Variants in PRUNE2 observed in about 807,000 individuals in gnomAD.
The protein encoded by PRUNE2 is prune homolog 2 with BCH domain.
A neutral mutation model predicts 252.0 loss-of-function variants in PRUNE2; 164 were observed. The observed-to-expected ratio is 0.65, with a 90% confidence interval of 0.57 to 0.74. PRUNE2 has a LOEUF of 0.74. Among genes scored for constraint, PRUNE2 ranks in the 30% least tolerant of loss-of-function variants. PRUNE2 has a pLI of 0.00. For missense variants in PRUNE2, 3,495 were observed against 3,711.0 expected, an observed-to-expected ratio of 0.94 and a Z score of 1.51; for synonymous variants, 1,292 against 1,350.2, an observed-to-expected ratio of 0.96 and a Z score of 0.94.
At chr9:76,754,643 C>T (rs996301102) in intron 6 of PRUNE2, among the ~76,000 whole-genome samples, 5 of 152,108 alleles carry the variant, frequency 3.3e-5, no homozygotes, top group African/African-American at 4.8e-5. Context: ...CTAAGTCCAT[C>T]ACCTTAGCTC....
intron 10 of PRUNE2, among the ~76,000 whole-genome samples, chr9:76,654,297 G>C (rs965676217): frequency 1.3e-5 from 2 of 152,288 alleles, no homozygotes; most frequent in Non-Finnish European, 1.5e-5. Flanking sequence ...CTCTGGCCTT[G>C]TCCTGGAGAA....
At chr9:76,797,152 T>A (rs938160263) in intron 6 of PRUNE2, among the ~76,000 whole-genome samples, 2 of 152,204 alleles carry the variant, frequency 1.3e-5, no homozygotes, top group Non-Finnish European at 2.9e-5. Context: ...TAACTTTATA[T>A]ATGTATTATT....
intron 9 of PRUNE2, among the ~76,000 whole-genome samples, chr9:76,664,867 T>C (rs2039826230): frequency 6.6e-6 from 1 of 152,224 alleles, no homozygotes; most frequent in South Asian, 2.1e-4. Context: ...TCCTAGTGAA[T>C]GTCTCTACAT....
At chr9:76,724,303 CAAAAAAAAA>C (rs796291956) in intron 6 of PRUNE2, among the ~76,000 whole-genome samples, 4 of 69,420 alleles carry the variant, frequency 5.8e-5, no homozygotes, top group Admixed American at 1.8e-4. Flanking sequence ...GATAGAAATA[CAAAAAAAAA>C]AAAAAAAAAA....
chr9:76,681,758 A>T (rs1056199709), intron 9 of PRUNE2, among the ~76,000 whole-genome samples: 1 of 152,186 alleles, frequency 6.6e-6, no homozygotes, highest in Non-Finnish European at 1.5e-5. Context: ...AGCCTGTGGA[A>T]ATAAATCATC....
chr9:76,630,596 C>T (rs1180618366), intron 15 of PRUNE2, among the ~76,000 whole-genome samples: 1 of 152,202 alleles, frequency 6.6e-6, no homozygotes, highest in African/African-American at 2.4e-5. Context: ...ACGATCTTGG[C>T]TCACTGCAAG....
At chr9:76,838,812 G>A (rs2059218906) in intron 4 of PRUNE2, among the ~76,000 whole-genome samples, 1 of 152,130 alleles carries the variant, frequency 6.6e-6, no homozygotes, top group African/African-American at 2.4e-5. Context: ...GTGGTGGGAA[G>A]GAGCACCAAA....
At chr9:76,636,972 A>AGTGTGT (rs367745600) in intron 14 of PRUNE2, among the ~76,000 whole-genome samples, 8,539 of 131,418 alleles carry the variant, frequency 0.065, 356 homozygotes, top group South Asian at 0.11. Flanking sequence ...CAACAACAAA[A>AGTGTGT]ATGTGTGTGT....
chr9:76,863,993 T>C (rs1327535911), intron 1 of PRUNE2, among the ~76,000 whole-genome samples: 1 of 152,142 alleles, frequency 6.6e-6, no homozygotes, highest in Non-Finnish European at 1.5e-5. Context: ...CATGCACTTA[T>C]ATGTTAATCA....
chr9:76,686,324 A>G (rs1197668523), intron 9 of PRUNE2, among the ~76,000 whole-genome samples: 2 of 152,252 alleles, frequency 1.3e-5, no homozygotes, highest in South Asian at 4.1e-4. Context: ...TGGAAAATAA[A>G]CATAACAGCT....
chr9:76,768,269 T>A (rs1227242505), intron 6 of PRUNE2, among the ~76,000 whole-genome samples: 3 of 152,148 alleles, frequency 2.0e-5, no homozygotes, highest in African/African-American at 7.2e-5. Flanking sequence ...CTCAGCTCAC[T>A]GCAACCTCCG....
chr9:76,642,001 T>TAAAAAAAAAAAAAAGAAAAAAA, intron 12 of PRUNE2: 1 of 1,010,460 alleles, frequency 9.9e-7, no homozygotes, highest in Non-Finnish European at 1.4e-6. Flanking sequence ...ATAAGAGAAG[T>TAAAAAAAAAAAAAAGAAAAAAA]AAAAAAAAAA....
At chr9:76,767,409 C>G (rs965713728) in intron 6 of PRUNE2, among the ~76,000 whole-genome samples, 1 of 151,848 alleles carries the variant, frequency 6.6e-6, no homozygotes, top group African/African-American at 2.4e-5. Context: ...CAAGATTGTG[C>G]CACTGCGCTC....
intron 2 of PRUNE2, among the ~76,000 whole-genome samples, chr9:76,852,543 A>G (rs1361857): frequency 0.3 from 44,626 of 149,484 alleles, 6,982 homozygotes; most frequent in African/African-American, 0.43. Context: ...AAATGGGGTC[A>G]CACGCATGAG....
chr9:76,720,247 C>T (rs938688834), intron 6 of PRUNE2, among the ~76,000 whole-genome samples: 2 of 152,010 alleles, frequency 1.3e-5, no homozygotes, highest in African/African-American at 2.4e-5. Context: ...TCAAATAATA[C>T]GTATTGAATT....
In PRUNE2 at chr9:76,706,976, G is replaced by C. The variant is rs1344998115; in HGVS notation, c.5298C>G (p.Pro1766=). 1 of 1,613,982 alleles carries C rather than the reference G, an allele frequency of 6.2e-7. No homozygotes were observed. Among genetic ancestry groups the C allele is most frequent in the South Asian group, 1.1e-5 (1 of 91,052 alleles). ...FCDNQQSSPD[P]WTFSPLTETE... ...TCTCCGTTAATGGTGAGAAAGTCCAGGGATCAGGGCTGCTTTGTTGATTGT... is the reference window on the plus strand; with the variant it reads ...TCTCCGTTAATGGTGAGAAAGTCCACGGATCAGGGCTGCTTTGTTGATTGT... The change falls in exon 8 of 19, where the codon CCC becomes CCG. Residue 1766 remains proline (P), a synonymous_variant. Transcript: ENST00000376718.
At chr9:76,625,068 T>C (rs895597223) in intron 16 of PRUNE2, 28 of 1,301,878 alleles carry the variant, frequency 2.2e-5, no homozygotes, top group Admixed American at 2.1e-4. Flanking sequence ...CCTTACAAGA[T>C]AAAAAACGAG....
intron 4 of PRUNE2, among the ~76,000 whole-genome samples, chr9:76,841,305 T>C (rs886532217): frequency 5.9e-5 from 9 of 152,222 alleles, no homozygotes; most frequent in Admixed American, 2.6e-4. Flanking sequence ...GCTTTTGCCA[T>C]GTTCTTTGCA....
intron 1 of PRUNE2, among the ~76,000 whole-genome samples, chr9:76,888,438 G>A (rs1017417291): frequency 1.3e-5 from 2 of 151,952 alleles, no homozygotes; most frequent in South Asian, 2.1e-4. Flanking sequence ...TTAGCTGGGC[G>A]TGGTGGCGCA....
Sources: gnomAD v4.1 joint callset for allele counts (sites outside exome capture counted in the v4.1 genomes callset) on GRCh38, gnomAD v4.1.1 for gene constraint, MANE v1.5 for transcripts, NCBI Gene and HGNC (gene_info 2026-07-23, HGNC 2026-07-21) for gene names.